The following NAALADL2 variants were observed in gnomAD, a reference collection of about 807,000 sequenced individuals.
NAALADL2 encodes inactive N-acetylated-alpha-linked acidic dipeptidase-like protein 2.
NAALADL2 carries 76 observed loss-of-function variants against 87.2 expected under a neutral mutation model. The ratio of observed to expected loss-of-function variants is 0.87; its 90% CI spans 0.72 to 1.05. The LOEUF (loss-of-function observed/expected upper bound fraction) is 1.05. NAALADL2 is among the 50% of genes least tolerant of loss of function. The pLI is 0.00. For synonymous variants in NAALADL2, 354 were observed against 331.0 expected (o/e 1.07, Z -0.75); for missense variants, 1,089 against 945.8 (o/e 1.15, Z -1.99).
intron 10 of NAALADL2, among the ~76,000 whole-genome samples, chr3:175,594,177 G>A (rs1252472104): frequency 2.6e-5 from 4 of 151,976 alleles, no homozygotes; most frequent in South Asian, 2.1e-4. Flanking sequence ...AGTCCTCAGT[G>A]TCTATTGTTC....
At chr3:175,752,047 G>A (rs983427004) in intron 12 of NAALADL2, among the ~76,000 whole-genome samples, 2 of 151,968 alleles carry the variant, frequency 1.3e-5, no homozygotes, top group African/African-American at 2.4e-5. Flanking sequence ...GAATGATTTT[G>A]TAGACATTGT....
At chr3:175,707,235 C>T (rs1739842186) in intron 11 of NAALADL2, among the ~76,000 whole-genome samples, 1 of 152,024 alleles carries the variant, frequency 6.6e-6, no homozygotes, top group Non-Finnish European at 1.5e-5. Context: ...GCTTTCCTGG[C>T]ACAAAAGCAA....
chr3:174,636,764 A>T (rs1399688184), intron 2 of NAALADL2, among the ~76,000 whole-genome samples: 2 of 152,022 alleles, frequency 1.3e-5, no homozygotes, highest in South Asian at 2.1e-4. Flanking sequence ...TCAAAAAAAT[A>T]AAAAAAACTA....
intron 1 of NAALADL2, among the ~76,000 whole-genome samples, chr3:174,497,370 T>C (rs1718609522): frequency 6.6e-6 from 1 of 152,052 alleles, no homozygotes; most frequent in South Asian, 2.1e-4. Flanking sequence ...CTCAAACCTA[T>C]AATTCCAGCA....
At chr3:174,542,128 G>A (rs1722298535) in intron 1 of NAALADL2, among the ~76,000 whole-genome samples, 1 of 152,156 alleles carries the variant, frequency 6.6e-6, no homozygotes, top group Non-Finnish European at 1.5e-5. Context: ...AAACTCTCAT[G>A]GTGCTGGTGG....
intron 1 of NAALADL2, among the ~76,000 whole-genome samples, chr3:174,539,475 C>T (rs1284576491): frequency 6.6e-6 from 1 of 151,988 alleles, no homozygotes; most frequent in Non-Finnish European, 1.5e-5. Context: ...TAGTTTAACC[C>T]AGTGTGGATT....
chr3:175,670,411 A>G (rs141462451), intron 11 of NAALADL2, among the ~76,000 whole-genome samples: 1 of 143,108 alleles, frequency 7.0e-6, no homozygotes, highest in Non-Finnish European at 1.5e-5. Flanking sequence ...AATTTACATT[A>G]AATGTAAATT....
chr3:174,464,658 G>A (rs1475848678), intron 1 of NAALADL2, among the ~76,000 whole-genome samples: 5 of 151,524 alleles, frequency 3.3e-5, no homozygotes, highest in African/African-American at 1.2e-4. Context: ...GGATTTGAAT[G>A]CATTAAAATT....
intron 9 of NAALADL2, among the ~76,000 whole-genome samples, chr3:175,489,796 C>T (rs1459683319): frequency 6.6e-6 from 1 of 152,174 alleles, no homozygotes; most frequent in Non-Finnish European, 1.5e-5. Flanking sequence ...GAGTCTTCTA[C>T]TCCAAAACCA....
intron 1 of NAALADL2, among the ~76,000 whole-genome samples, chr3:174,978,339 T>G (rs1318354057): frequency 6.6e-6 from 1 of 152,234 alleles, no homozygotes; most frequent in Non-Finnish European, 1.5e-5. Flanking sequence ...ATTTATGTAT[T>G]CATGGTTGAA....
chr3:174,653,202 C>A (rs1464938084), intron 2 of NAALADL2, among the ~76,000 whole-genome samples: 1 of 152,146 alleles, frequency 6.6e-6, no homozygotes, highest in African/African-American at 2.4e-5. Context: ...TCCTAAATGT[C>A]ATGTACAGTG....
chr3:174,487,121 C>CA (rs896380258), intron 1 of NAALADL2, among the ~76,000 whole-genome samples: 2 of 152,054 alleles, frequency 1.3e-5, no homozygotes, highest in Admixed American at 1.3e-4. Context: ...GTAGCATAGA[C>CA]AAAATCAGTA....
intron 9 of NAALADL2, among the ~76,000 whole-genome samples, chr3:175,530,699 G>T (rs966354748): frequency 6.6e-6 from 1 of 152,172 alleles, no homozygotes; most frequent in Non-Finnish European, 1.5e-5. Context: ...GAGACCATGG[G>T]CATTTGAGCC....
In NAALADL2 at chr3:174,763,586, C is replaced by CAAAAAAAAAAAAAAAAAAAAAAAAAAA. The variant is rs1163373340; in HGVS notation, c.-9+25855_-9+25856insAAAAAAAAAAAAAAAAAAAAAAAAAAA. 4.8e-4 allele frequency among the ~76,000 whole-genome samples: 23 copies of CAAAAAAAAAAAAAAAAAAAAAAAAAAA among 48,322 alleles called. 3 individuals are homozygous for CAAAAAAAAAAAAAAAAAAAAAAAAAAA. The highest frequency in any genetic ancestry group is 1.3e-3 in the Admixed American group (5 of 3,736). The allele number at this position is 48,322 out of a possible 152,430, so 31.7% of individuals were successfully genotyped here. A position where few individuals can be genotyped will look rare whatever the true frequency, so the allele number is the denominator to read the frequency against. On this transcript the variant is annotated intron_variant, in intron 3 of 3. Coordinates refer to the NAALADL2 transcript ENST00000434257. ...TGGGCTACAGAGCGAGACTCCATCT[C>CAAAAAAAAAAAAAAAAAAAAAAAAAAA]AAAAAAAAAAAAAAAGACTAAAATG...
chr3:175,666,029 A>G (rs1732942300), intron 11 of NAALADL2, among the ~76,000 whole-genome samples: 1 of 152,150 alleles, frequency 6.6e-6, no homozygotes, highest in Admixed American at 6.5e-5. Flanking sequence ...CCTGTTTTAG[A>G]ACACTGAAAT....
intron 10 of NAALADL2, among the ~76,000 whole-genome samples, chr3:175,610,357 T>G (rs569733134): frequency 5.9e-5 from 9 of 151,536 alleles, no homozygotes; most frequent in South Asian, 4.2e-4. Context: ...AATGACTGTG[T>G]TTTTTTTTAC....
At chr3:175,289,437 G>T (rs948031687) in intron 4 of NAALADL2, among the ~76,000 whole-genome samples, 1 of 152,026 alleles carries the variant, frequency 6.6e-6, no homozygotes, top group African/African-American at 2.4e-5. Flanking sequence ...GTGCCAAAAA[G>T]AGAGAACCTT....
chr3:174,897,910 G>A (rs1228179836), intron 1 of NAALADL2, among the ~76,000 whole-genome samples: 7 of 137,498 alleles, frequency 5.1e-5, no homozygotes, highest in African/African-American at 2.4e-4. Context: ...TCAGGAGATC[G>A]AGACCATCCC....
intron 9 of NAALADL2, among the ~76,000 whole-genome samples, chr3:175,526,759 G>A (rs1209894616): frequency 6.6e-6 from 1 of 152,122 alleles, no homozygotes; most frequent in Non-Finnish European, 1.5e-5. Context: ...GCTTTAATTT[G>A]TTCCACGGGT....
Sources: gnomAD v4.1 joint callset for allele counts (sites outside exome capture counted in the v4.1 genomes callset) on GRCh38, gnomAD v4.1.1 for gene constraint, MANE v1.5 for transcripts, NCBI Gene and HGNC (gene_info 2026-07-23, HGNC 2026-07-21) for gene names.